DYM: variants seen among roughly 807,000 people sequenced by gnomAD.
DYM encodes the protein dymeclin.
DYM carries 78 observed loss-of-function variants against 93.1 expected under a neutral mutation model. That is an observed-to-expected ratio of 0.84 (90% CI 0.70 to 1.01). The LOEUF is 1.01. Among genes scored for constraint, DYM ranks in the 50% least tolerant of loss-of-function variants. The probability of loss-of-function intolerance (pLI) is 0.00; values close to 1 mark genes in which losing one functional copy is unlikely to be tolerated. For missense variants in DYM, 789 were observed against 845.0 expected (o/e 0.93, Z 0.82); for synonymous variants, 321 against 319.7 (o/e 1.00, Z -0.04).
chr18:49,261,096 A>G (rs2094482227), intron 11 of DYM, among the ~76,000 whole-genome samples: 1 of 152,224 alleles, frequency 6.6e-6, no homozygotes, highest in Non-Finnish European at 1.5e-5. Flanking sequence ...AAAAATTCCA[A>G]ACAATATTAG....
intron 17 of DYM, among the ~76,000 whole-genome samples, chr18:49,089,105 A>T (rs1442409764): frequency 6.6e-6 from 1 of 151,868 alleles, no homozygotes; most frequent in Non-Finnish European, 1.5e-5. Context: ...GCTCCAAAGA[A>T]CTCCTTAGCC....
At chr18:49,351,160 G>A (rs774976791) in intron 6 of DYM, among the ~76,000 whole-genome samples, 13 of 152,032 alleles carry the variant, frequency 8.6e-5, no homozygotes, top group Non-Finnish European at 1.8e-4. Context: ...GGTGGCTCTC[G>A]CCTGTAATCC....
intron 4 of DYM, among the ~76,000 whole-genome samples, chr18:49,379,437 A>C (rs2067828048): frequency 6.6e-6 from 1 of 152,174 alleles, no homozygotes. Flanking sequence ...TTCTTAAAGA[A>C]TATAATCTAA....
At chr18:49,333,622 G>C in intron 7 of DYM, 106 bp downstream of exon 7, 2 of 1,247,564 alleles carry the variant, frequency 1.6e-6, no homozygotes, top group Non-Finnish European at 1.2e-6. Flanking sequence ...ACAACTAGAG[G>C]AAATACCTGG....
intron 17 of DYM, among the ~76,000 whole-genome samples, chr18:49,052,623 T>C (rs1014858698): frequency 3.9e-5 from 6 of 152,242 alleles, no homozygotes; most frequent in African/African-American, 1.4e-4. Flanking sequence ...ATCTCTGCCA[T>C]GGCCAACAAA....
chr18:49,441,310 T>A (rs1487353555), intron 1 of DYM, among the ~76,000 whole-genome samples: 5 of 29,074 alleles, frequency 1.7e-4, no homozygotes, highest in African/African-American at 1.0e-3. Flanking sequence ...TATATATAAT[T>A]AATATATAAT....
At chr18:49,419,922 T>A (rs2073449973) in intron 2 of DYM, among the ~76,000 whole-genome samples, 1 of 152,220 alleles carries the variant, frequency 6.6e-6, no homozygotes, top group African/African-American at 2.4e-5. Context: ...CATTTCGCCC[T>A]CTTTTCCTCT....
chr18:49,197,051 T>C (rs1036546705), intron 14 of DYM, among the ~76,000 whole-genome samples: 11 of 152,184 alleles, frequency 7.2e-5, no homozygotes, highest in African/African-American at 2.7e-4. Flanking sequence ...AGAAGCAACT[T>C]GACGGATACA....
chr18:49,206,975 G>C (rs1028042003), intron 14 of DYM, among the ~76,000 whole-genome samples: 1 of 152,194 alleles, frequency 6.6e-6, no homozygotes, highest in Non-Finnish European at 1.5e-5. Flanking sequence ...TGGGCATCAG[G>C]GGAAGGAGGC....
At chr18:49,349,911 C>T (rs913784822) in intron 6 of DYM, among the ~76,000 whole-genome samples, 3 of 152,122 alleles carry the variant, frequency 2.0e-5, no homozygotes, top group Admixed American at 6.5e-5. Context: ...GAGCCGTGAT[C>T]GCACCACTGT....
chr18:49,424,096 AACG>A (rs2074017811), intron 2 of DYM, among the ~76,000 whole-genome samples: 1 of 151,990 alleles, frequency 6.6e-6, no homozygotes, highest in African/African-American at 2.4e-5. Context: ...CACAACCAAA[AACG>A]ACAATTTTAG....
At chr18:49,343,233 G>C (rs546226489) in intron 6 of DYM, among the ~76,000 whole-genome samples, 1 of 152,130 alleles carries the variant, frequency 6.6e-6, no homozygotes, top group African/African-American at 2.4e-5. Context: ...CAGCCTCTAA[G>C]ACCCTGTATG....
chr18:49,236,620 G>A (rs904796285), intron 13 of DYM, among the ~76,000 whole-genome samples: 2 of 152,154 alleles, frequency 1.3e-5, no homozygotes, highest in African/African-American at 4.8e-5. Flanking sequence ...TAAATGGCAA[G>A]ATTCAGGAAG....
intron 8 of DYM, among the ~76,000 whole-genome samples, chr18:49,313,018 T>C (rs2061692598): frequency 6.6e-6 from 1 of 152,164 alleles, no homozygotes; most frequent in Admixed American, 6.5e-5. Context: ...ATCAGAAGCA[T>C]TTAAACCATA....
intron 13 of DYM, among the ~76,000 whole-genome samples, chr18:49,256,014 G>A (rs1265263210): frequency 6.6e-6 from 1 of 150,508 alleles, no homozygotes; most frequent in Non-Finnish European, 1.5e-5. Context: ...AACCCAGGAG[G>A]TGGAGCTTGC....
intron 1 of DYM, among the ~76,000 whole-genome samples, chr18:49,452,243 C>T (rs919966619): frequency 2.6e-5 from 4 of 152,268 alleles, no homozygotes; most frequent in Non-Finnish European, 2.9e-5. Flanking sequence ...GGCAGACCTT[C>T]GCGGTGAGTG....
At chr18:49,111,195 T>C (rs957060011) in intron 16 of DYM, among the ~76,000 whole-genome samples, 35 of 152,014 alleles carry the variant, frequency 2.3e-4, no homozygotes, top group Non-Finnish European at 4.3e-4. Flanking sequence ...ATTCTTCTTT[T>C]TTTTTTTTAA....
At chr18:49,182,074 GTTAT>G (rs1183399291) in intron 14 of DYM, among the ~76,000 whole-genome samples, 1 of 152,112 alleles carries the variant, frequency 6.6e-6, no homozygotes, top group African/African-American at 2.4e-5. Context: ...TTAGAAGTAT[GTTAT>G]TTAATTTCCA....
At chr18:49,055,222 C>T (rs898839289) in intron 17 of DYM, among the ~76,000 whole-genome samples, 3 of 152,092 alleles carry the variant, frequency 2.0e-5, no homozygotes, top group South Asian at 2.1e-4. Context: ...CTTCTGGGGC[C>T]GATCTGCAGT....
Sources: gnomAD v4.1 joint callset for allele counts (sites outside exome capture counted in the v4.1 genomes callset) on GRCh38, gnomAD v4.1.1 for gene constraint, MANE v1.5 for transcripts, NCBI Gene and HGNC (gene_info 2026-07-23, HGNC 2026-07-21) for gene names.